GALNT13: variants seen among roughly 807,000 people sequenced by gnomAD.
GALNT13 encodes UDP-GalNAc:polypeptide N-acetylgalactosaminyltransferase 13.
In GALNT13, 28 loss-of-function variants were observed where a neutral mutation model predicts 64.2. The ratio of observed to expected loss-of-function variants is 0.44; its 90% confidence interval spans 0.32 to 0.60. The LOEUF (loss-of-function observed/expected upper bound fraction) is 0.60. Among genes scored for constraint, GALNT13 ranks in the 20% least tolerant of loss-of-function variants. The pLI is 0.05. For synonymous variants in GALNT13, 214 were observed against 224.6 expected, an observed-to-expected ratio of 0.95 and a Z score of 0.42; for missense variants, 577 against 669.8, an observed-to-expected ratio of 0.86 and a Z score of 1.53.
chr2:153,268,225 G>C, the GALNT13 span, among the ~76,000 whole-genome samples: 1 of 152,196 alleles, frequency 6.6e-6, no homozygotes, highest in Non-Finnish European at 1.5e-5. Flanking sequence ...ATGGTGGGGG[G>C]TGGCACAGGC....
intron 2 of GALNT13, among the ~76,000 whole-genome samples, chr2:153,924,902 CA>C (rs1398713352): frequency 1.3e-5 from 2 of 150,586 alleles, no homozygotes; most frequent in Non-Finnish European, 3.0e-5. Flanking sequence ...TTTTTGATGC[CA>C]TTGTTTTTGG....
the GALNT13 span, among the ~76,000 whole-genome samples, chr2:153,452,444 C>T: frequency 6.6e-6 from 1 of 151,750 alleles, no homozygotes; most frequent in Non-Finnish European, 1.5e-5. Context: ...CACCACTGCA[C>T]TCCAGCCTAG....
chr2:153,199,966 A>C, the GALNT13 span, among the ~76,000 whole-genome samples: 1 of 152,220 alleles, frequency 6.6e-6, no homozygotes, highest in African/African-American at 2.4e-5. Flanking sequence ...ATTGATAAAT[A>C]ACCACATCTC....
intron 3 of GALNT13, among the ~76,000 whole-genome samples, chr2:154,110,053 G>T (rs1229558858): frequency 2.0e-5 from 3 of 151,328 alleles, no homozygotes; most frequent in Non-Finnish European, 4.4e-5. Flanking sequence ...GATAGATATT[G>T]TTTCTTCTTT....
At chr2:154,001,072 CT>C (rs985183823) in intron 3 of GALNT13, among the ~76,000 whole-genome samples, 21 of 151,914 alleles carry the variant, frequency 1.4e-4, no homozygotes, top group Admixed American at 5.2e-4. Context: ...TGTCATTCCT[CT>C]CTTAAATTTT....
intron 3 of GALNT13, among the ~76,000 whole-genome samples, chr2:154,099,666 G>A (rs980100495): frequency 3.9e-5 from 6 of 152,090 alleles, no homozygotes; most frequent in South Asian, 4.2e-4. Context: ...GGTCAGGCAC[G>A]GAGGCTCATA....
chr2:154,295,246 T>C lies in GALNT13; in HGVS notation c.976-6163T>C, dbSNP rs371268124. On this transcript the variant is annotated intron_variant, in intron 8 of 12. Transcript: ENST00000392825. ...AAAATGACTTTTTTCCCCCCAATTATTGCTTTTATGCTCTGAAGAATACTC... is the reference window on the plus strand; with the variant it reads ...AAAATGACTTTTTTCCCCCCAATTACTGCTTTTATGCTCTGAAGAATACTC... 2.0e-5 allele frequency among the ~76,000 whole-genome samples: 3 copies of C among 152,232 alleles called. No individual in the cohort carries two copies. In the East Asian group the frequency reaches 5.8e-4, roughly 29 times the overall value.
the GALNT13 span, among the ~76,000 whole-genome samples, chr2:153,360,098 T>C: frequency 4.6e-5 from 7 of 152,010 alleles, no homozygotes; most frequent in African/African-American, 1.7e-4. Flanking sequence ...GGTATCCAAG[T>C]TTCTGTTATC....
At chr2:153,693,833 G>T in the GALNT13 span, among the ~76,000 whole-genome samples, 5 of 152,000 alleles carry the variant, frequency 3.3e-5, no homozygotes. Context: ...TAAAGCAATC[G>T]GCTGGGCGCG....
At chr2:154,304,184 A>G (rs1693607198) in intron 9 of GALNT13, among the ~76,000 whole-genome samples, 1 of 152,148 alleles carries the variant, frequency 6.6e-6, no homozygotes, top group Admixed American at 6.6e-5. Context: ...TAGGAAAAGG[A>G]CTTTTTCACA....
At chr2:154,411,015 G>C (rs1699768003) in intron 11 of GALNT13, among the ~76,000 whole-genome samples, 1 of 151,898 alleles carries the variant, frequency 6.6e-6, no homozygotes, top group Non-Finnish European at 1.5e-5. Context: ...ACCTGCTGCA[G>C]TCTTGGAACA....
At chr2:154,144,423 T>C (rs892235365) in intron 4 of GALNT13, among the ~76,000 whole-genome samples, 2 of 152,160 alleles carry the variant, frequency 1.3e-5, no homozygotes, top group African/African-American at 2.4e-5. Context: ...TAAAAAGATA[T>C]AGATACATTA....
chr2:153,947,189 T>A (rs924507774), intron 3 of GALNT13, among the ~76,000 whole-genome samples: 29 of 152,082 alleles, frequency 1.9e-4, no homozygotes, highest in African/African-American at 6.8e-4. Context: ...ATTTATTAAG[T>A]TCTTACTCTA....
the GALNT13 span, among the ~76,000 whole-genome samples, chr2:153,564,307 C>G: frequency 6.6e-6 from 1 of 152,058 alleles, no homozygotes; most frequent in Non-Finnish European, 1.5e-5. Flanking sequence ...ATTCTATCCT[C>G]TCCATTTTCA....
the GALNT13 span, among the ~76,000 whole-genome samples, chr2:153,145,946 T>A: frequency 2.0e-5 from 3 of 151,874 alleles, no homozygotes; most frequent in Non-Finnish European, 4.4e-5. Flanking sequence ...GTTCCAACTA[T>A]TTTTTATGGC....
At chr2:154,275,486 A>C (rs933833744) in intron 8 of GALNT13, among the ~76,000 whole-genome samples, 4 of 152,226 alleles carry the variant, frequency 2.6e-5, no homozygotes, top group Non-Finnish European at 5.9e-5. Context: ...GCAAGCCCCA[A>C]GCCTTGGCAA....
chr2:153,921,569 A>G (rs1320333540), intron 2 of GALNT13, among the ~76,000 whole-genome samples: 1 of 152,146 alleles, frequency 6.6e-6, no homozygotes, highest in Non-Finnish European at 1.5e-5. Flanking sequence ...TGTGACAAGC[A>G]ATTTACCTGT....
the GALNT13 span, among the ~76,000 whole-genome samples, chr2:153,143,189 A>T: frequency 6.6e-6 from 1 of 151,984 alleles, no homozygotes; most frequent in Non-Finnish European, 1.5e-5. Flanking sequence ...TCTTGTTATC[A>T]TCGCTCCACT....
intron 3 of GALNT13, among the ~76,000 whole-genome samples, chr2:154,115,696 C>T (rs927796862): frequency 9.2e-5 from 14 of 152,154 alleles, no homozygotes; most frequent in African/African-American, 3.4e-4. Flanking sequence ...GCTGGGATTA[C>T]AGGTGTGAGC....
Sources: gnomAD v4.1 joint callset for allele counts (sites outside exome capture counted in the v4.1 genomes callset) on GRCh38, gnomAD v4.1.1 for gene constraint, MANE v1.5 for transcripts, NCBI Gene and HGNC (gene_info 2026-07-23, HGNC 2026-07-21) for gene names.